The following NFIX variants were observed in gnomAD, a reference collection of about 807,000 sequenced individuals.
NFIX encodes nuclear factor 1 X-type.
Under a neutral mutation model 53.3 loss-of-function variants are expected in NFIX, and 2 were observed. That is an observed-to-expected ratio of 0.04 (90% CI 0.02 to 0.12). The LOEUF (loss-of-function observed/expected upper bound fraction) is 0.12, where lower values mean the gene tolerates loss of function less well. Ranked by LOEUF, NFIX falls within the 10% of genes least tolerant of loss-of-function variation. The probability of loss-of-function intolerance (pLI) is 1.00; values close to 1 mark genes in which losing one functional copy is unlikely to be tolerated. For missense variants in NFIX, 310 were observed against 674.5 expected, an observed-to-expected ratio of 0.46 and a Z score of 5.99; for synonymous variants, 244 against 289.0, an observed-to-expected ratio of 0.84 and a Z score of 1.58.
chr19:13,054,297 A>G (rs757961843), intron 2 of NFIX, among the ~76,000 whole-genome samples: 5 of 152,190 alleles, frequency 3.3e-5, no homozygotes, highest in Non-Finnish European at 5.9e-5. Context: ...ATATGTTCTC[A>G]TCTGTAAAGA....
Position 13,081,059 on chromosome 19 carries a change from G to A in NFIX, c.1079-621G>A, listed in dbSNP as rs1429284930. On this transcript the variant is annotated intron_variant, in intron 7 of 10. Coordinates refer to ENST00000592199, the MANE Select transcript of NFIX (RefSeq NM_001365902.3). This position sits in a 1 kb window ranked among gnomAD's most constrained non-coding sequence, Gnocchi z 4.7. ...TCATGCCTGTAATCCCAGCACTTTG[G>A]GAGGCCAAGGCAGGCAGATCACTTG... Among the ~76,000 whole-genome samples the A allele has an allele frequency of 6.6e-6, 1 of 151,940 alleles. No individual in the cohort carries two copies. Among genetic ancestry groups the A allele is most frequent in the Non-Finnish European group, 1.5e-5 (1 of 67,996 alleles).
Position 13,000,152 on chromosome 19 carries a change from G to A in NFIX, c.27+4288G>A, listed in dbSNP as rs111681761. On this transcript the variant is annotated intron_variant, in intron 1 of 10. Transcript: ENST00000592199. The stretch of plus-strand genomic sequence containing the variant: ...TTTGCCGTCAGACAGAAATGGGTTC[G>A]AGCTCCAGCTCTACATGTTCTAATC... Among the ~76,000 whole-genome samples the A allele has an allele frequency of 9.9e-3, 1,514 of 152,272 alleles. 31 individuals are homozygous for A. Among genetic ancestry groups the A allele is most frequent in the African/African-American group, 0.035 (1,434 of 41,534 alleles).
At chr19:13,024,977 C>T in intron 1 of NFIX, 44 bp from the exon 2 acceptor site, 5 of 1,555,238 alleles carry the variant, frequency 3.2e-6, no homozygotes, top group Non-Finnish European at 4.4e-6. Context: ...TTCCCCTCCT[C>T]CCGTCCTCCC....
rs1374269572 is a variant in NFIX at position 13,096,124 on chromosome 19, G to C, written c.*1475G>C. On this transcript the variant is annotated 3_prime_UTR_variant, in exon 11 of 11. Coordinates refer to ENST00000592199, the MANE Select transcript of NFIX (RefSeq NM_001365902.3). Reference sequence around the variant, plus strand: ...CCAGCTCCCCTCCAGGGTGTGACTTGGCCCCTCTGGCTTGTCTTTCTGTGC... The same window carrying C: ...CCAGCTCCCCTCCAGGGTGTGACTTCGCCCCTCTGGCTTGTCTTTCTGTGC... 1 of 152,764 alleles carries C rather than the reference G, an allele frequency of 6.5e-6. No homozygotes were observed. Among genetic ancestry groups the C allele is most frequent in the South Asian group, 2.1e-4 (1 of 4,826 alleles). 9.5% of individuals were successfully genotyped at this position (152,764 alleles called of 1,614,324 possible). A position where few individuals can be genotyped will look rare whatever the true frequency, so the allele number is the denominator to read the frequency against.
Position 12,998,167 on chromosome 19 carries a change from C to T in NFIX, c.27+2303C>T, listed in dbSNP as rs2011535272. 6.6e-6 allele frequency among the ~76,000 whole-genome samples: 1 copy of T among 152,146 alleles called. No homozygotes were observed. The highest frequency in any genetic ancestry group is 6.5e-5 in the Admixed American group (1 of 15,270). ...TGTTTTTATCGGTCTCTGGTGTATTCTGCCCTTTTCCATCTCTCTTTCTCC... is the reference window on the plus strand; with the variant it reads ...TGTTTTTATCGGTCTCTGGTGTATTTTGCCCTTTTCCATCTCTCTTTCTCC... On this transcript the variant is annotated intron_variant, in intron 1 of 10. Coordinates refer to ENST00000592199, the MANE Select transcript of NFIX (RefSeq NM_001365902.3). The surrounding 1 kb of genome is among the most constrained non-coding windows in gnomAD (Gnocchi z 4.4).
rs536161659 is a variant in NFIX, at chr19:13,052,225, A to G, written c.560-20822A>G. 6.6e-6 allele frequency among the ~76,000 whole-genome samples: 1 copy of G among 152,154 alleles called. No individual in the cohort carries two copies. Among genetic ancestry groups the G allele is most frequent in the Non-Finnish European group, 1.5e-5 (1 of 68,024 alleles). On this transcript the variant is annotated intron_variant, in intron 2 of 10. Transcript: ENST00000592199. The surrounding 1 kb of genome is among the most constrained non-coding windows in gnomAD (Gnocchi z 5.2). ...GAATCTGCATTTCCACCTAGTACCCAGGTGCTGTTGGTCCTCCAGGCTTTC... is the reference window on the plus strand; with the variant it reads ...GAATCTGCATTTCCACCTAGTACCCGGGTGCTGTTGGTCCTCCAGGCTTTC...
chr19:13,026,316 G>A (rs1470038662), intron 2 of NFIX, among the ~76,000 whole-genome samples: 1 of 151,938 alleles, frequency 6.6e-6, no homozygotes, highest in Non-Finnish European at 1.5e-5. Flanking sequence ...GCTTTCTCGG[G>A]GCACAGGCAT....
chr19:13,088,001 G>A lies in NFIX; in HGVS notation c.1267G>A (p.Gly423Ser), dbSNP rs937416850. Residue 423 changes from glycine to serine, a missense_variant, in exon 9 of 11, where the codon GGC (glycine) becomes AGC (serine). Coordinates refer to ENST00000592199, the MANE Select transcript of NFIX (RefSeq NM_001365902.3). The surrounding 1 kb of genome is among the most constrained non-coding windows in gnomAD (Gnocchi z 5.9). ...ATGTTGTTCGCAGCCCAACGGTAGC[G>A]GCCAGGGCAAAGTCCCGGGGTCATT... Reference protein sequence around the residue: ...GQATGQPNGSGQGKVPGSFLL... With the variant: ...GQATGQPNGSSQGKVPGSFLL... The A allele has an allele frequency of 1.7e-5, 26 of 1,535,932 alleles. No homozygotes were observed. The Middle Eastern group carries it at 6.7e-4, about 39-fold the overall frequency.
chr19:13,065,230 C>T (rs2016331068), intron 2 of NFIX, among the ~76,000 whole-genome samples: 1 of 152,292 alleles, frequency 6.6e-6, no homozygotes, highest in East Asian at 1.9e-4. Flanking sequence ...ACCAAGGGCA[C>T]CTCCCTGGGT....
chr19:13,008,736 CT>C (rs774907118), intron 1 of NFIX, among the ~76,000 whole-genome samples: 13 of 152,184 alleles, frequency 8.5e-5, no homozygotes, highest in Admixed American at 2.0e-4. Flanking sequence ...TCTGAGCCCC[CT>C]GATGACCCTC....
intron 2 of NFIX, among the ~76,000 whole-genome samples, chr19:13,031,407 A>G (rs1477045578): frequency 6.6e-6 from 1 of 152,110 alleles, no homozygotes; most frequent in African/African-American, 2.4e-5. Context: ...AAACAGGGCT[A>G]CTCTGCAGCA....
At position 13,094,812 on chromosome 19, in the gene NFIX, A is replaced by T; in HGVS notation, c.*163A>T. 1 of 684,898 alleles carries T rather than the reference A, an allele frequency of 1.5e-6. No individual in the cohort carries two copies. The highest frequency in any genetic ancestry group is 2.1e-5 in the South Asian group (1 of 47,496). 42.4% of individuals were successfully genotyped at this position (684,898 alleles called of 1,614,324 possible). A position where few individuals can be genotyped will look rare whatever the true frequency, so the allele number is the denominator to read the frequency against. ...AGCCCTTCTCTCCTCCAGCCCGGGG[A>T]CCCCCGCGGGCCCCAGAAGCAGCCC... On this transcript the variant is annotated 3_prime_UTR_variant, in exon 11 of 11. Coordinates refer to ENST00000592199, the MANE Select transcript of NFIX (RefSeq NM_001365902.3). This position sits in a 1 kb window ranked among gnomAD's most constrained non-coding sequence, Gnocchi z 4.3.
chr19:13,056,370 T>G (rs992029145), intron 2 of NFIX, among the ~76,000 whole-genome samples: 2 of 152,078 alleles, frequency 1.3e-5, no homozygotes, highest in Admixed American at 6.5e-5. Context: ...TTCCTTTCTG[T>G]TTTGCTCAGT....
In NFIX at chr19:13,073,627, T is replaced by C; in HGVS notation, c.697+131T>C. The C allele has an allele frequency of 1.1e-6, 1 of 869,922 alleles. No homozygotes were observed. Among genetic ancestry groups the C allele is most frequent in the South Asian group, 1.5e-5 (1 of 65,670 alleles). The allele number at this position is 869,922 out of a possible 1,614,324, so 53.9% of individuals were successfully genotyped here. On this transcript the variant is annotated intron_variant, in intron 4 of 10. Transcript: ENST00000592199. This position sits in a 1 kb window ranked among gnomAD's most constrained non-coding sequence, Gnocchi z 4.5. ...AGATGCTTTCTGGGACACTCTCGGCTTCACTGGTGCTGGGCTGGGTACAAT... is the reference window on the plus strand; with the variant it reads ...AGATGCTTTCTGGGACACTCTCGGCCTCACTGGTGCTGGGCTGGGTACAAT...
chr19:13,007,777 T>TA, intron 1 of NFIX, among the ~76,000 whole-genome samples: 1 of 152,102 alleles, frequency 6.6e-6, no homozygotes, highest in Non-Finnish European at 1.5e-5. Context: ...CTTCAAATGT[T>TA]ATTTGAGGAC....
chr19:13,030,863 T>G (rs1001244996), intron 2 of NFIX, among the ~76,000 whole-genome samples: 42 of 152,294 alleles, frequency 2.8e-4, no homozygotes, highest in African/African-American at 8.9e-4. Flanking sequence ...TGTTCAAAAT[T>G]TTTAGGAATT....
In NFIX at chr19:13,088,890, C is replaced by G. The variant is rs2017965942; in HGVS notation, c.1402+754C>G. Among the ~76,000 whole-genome samples the G allele has an allele frequency of 6.7e-6, 1 of 149,534 alleles. No individual in the cohort carries two copies. The highest frequency in any genetic ancestry group is 1.5e-5 in the Non-Finnish European group (1 of 67,444). Reference sequence around the variant, plus strand: ...CTCTTAAACCAATGACAAATTTTGTCAAAGGGAAAAGAAGAAAAATCATTC... The same window carrying G: ...CTCTTAAACCAATGACAAATTTTGTGAAAGGGAAAAGAAGAAAAATCATTC... On this transcript the variant is annotated intron_variant, in intron 9 of 10. Coordinates refer to ENST00000592199, the MANE Select transcript of NFIX (RefSeq NM_001365902.3). This position sits in a 1 kb window ranked among gnomAD's most constrained non-coding sequence, Gnocchi z 5.9.
chr19:13,063,301 C>T (rs12151089), intron 2 of NFIX, among the ~76,000 whole-genome samples: 2,408 of 152,232 alleles, frequency 0.016, 34 homozygotes, highest in African/African-American at 0.033. Context: ...TTTTCTTCTT[C>T]CTTCCCTCCC....
intron 8 of NFIX, 85 bp from the exon 9 acceptor site, chr19:13,087,904 G>T (rs2017882705): frequency 6.8e-7 from 1 of 1,477,570 alleles, no homozygotes; most frequent in East Asian, 2.5e-5. Flanking sequence ...CCCGCTCTCA[G>T]GAGCGAGCTG....
Sources: allele counts gnomAD v4.1 joint callset (sites outside exome capture counted in the v4.1 genomes callset), GRCh38; gene constraint gnomAD v4.1.1; non-coding constraint Gnocchi (gnomAD v3.1); transcripts MANE v1.5; gene names NCBI Gene and HGNC (gene_info 2026-07-23, HGNC 2026-07-21).